Variants in MED13 observed in about 807,000 individuals in gnomAD.
MED13 encodes mediator complex subunit 13.
Under a neutral mutation model 225.2 loss-of-function variants are expected in MED13, and 23 were observed. That is an observed-to-expected ratio of 0.10 (90% confidence interval 0.07 to 0.14). The LOEUF is 0.14. MED13 is among the 10% of genes least tolerant of loss of function. The probability of loss-of-function intolerance (pLI) is 1.00; values close to 1 mark genes in which losing one functional copy is unlikely to be tolerated. For missense variants in MED13, 2,197 were observed against 2,594.5 expected (o/e 0.85, Z 3.33); for synonymous variants, 942 against 889.2 (o/e 1.06, Z -1.06).
In MED13 at chr17:62,010,571, T is replaced by C. The variant is rs114223275; in HGVS notation, c.1946A>G (p.Glu649Gly). 425 of 1,466,710 alleles carry C rather than the reference T, an allele frequency of 2.9e-4. 1 individual carries two copies. The African/African-American group carries it at 5.6e-3, about 19-fold the overall frequency. 90.9% of individuals were successfully genotyped at this position (1,466,710 alleles called of 1,614,324 possible). Residue 649 changes from glutamate to glycine, a missense_variant, in exon 9 of 30, where the codon GAA (glutamate) becomes GGA (glycine). Glu to Gly is a moderately conservative substitution (Grantham distance 98). Coordinates refer to ENST00000397786, the MANE Select transcript of MED13 (RefSeq NM_005121.3). ...KDDPVGPFGQ[E>G]SVTSVTELMV... ...ATACTCTGTAACTGATGTTACACTT[T>C]CCTGTCCAAAAGGTCCAACTGGATC...
chr17:61,976,982 T>C (rs1020702217), intron 16 of MED13, among the ~76,000 whole-genome samples: 1 of 152,168 alleles, frequency 6.6e-6, no homozygotes, highest in African/African-American at 2.4e-5. Flanking sequence ...ATACAAACTA[T>C]ACTTTGTAGA....
intron 13 of MED13, 45 bp from the exon 14 acceptor site, chr17:61,984,910 C>T (rs139180520): frequency 1.9e-5 from 31 of 1,590,986 alleles, no homozygotes; most frequent in East Asian, 9.0e-5. Flanking sequence ...TAAAAATAGG[C>T]GAATCTGTGT....
intron 8 of MED13, among the ~76,000 whole-genome samples, chr17:62,027,534 G>C (rs2080713810): frequency 1.3e-5 from 2 of 152,164 alleles, no homozygotes; most frequent in South Asian, 2.1e-4. Context: ...AAAATTTCAT[G>C]ACGAAGATGT....
intron 11 of MED13, among the ~76,000 whole-genome samples, chr17:61,988,524 A>AT (rs988274864): frequency 1.3e-5 from 2 of 152,188 alleles, no homozygotes; most frequent in African/African-American, 2.4e-5. Flanking sequence ...TGCCTTTGAA[A>AT]TTTTAAAAGT....
chr17:62,064,722 T>C (rs907491746), intron 1 of MED13, among the ~76,000 whole-genome samples: 1 of 152,088 alleles, frequency 6.6e-6, no homozygotes, highest in African/African-American at 2.4e-5. Context: ...CCTGTTTACA[T>C]GGGGAAACCA....
At chr17:62,017,850 G>A (rs1463869438) in intron 8 of MED13, among the ~76,000 whole-genome samples, 2 of 152,174 alleles carry the variant, frequency 1.3e-5, no homozygotes, top group African/African-American at 4.8e-5. Context: ...AAGCATTTCT[G>A]CTATAGATTT....
chr17:61,982,023 T>TATAATTTA (rs2080209203), intron 16 of MED13, among the ~76,000 whole-genome samples, 175 bp downstream of exon 16: 1 of 152,202 alleles, frequency 6.6e-6, no homozygotes, highest in African/African-American at 2.4e-5. Flanking sequence ...CTTTTATTGG[T>TATAATTTA]GAAATTAAAC....
intron 3 of MED13, among the ~76,000 whole-genome samples, chr17:62,039,649 T>C (rs895386646): frequency 6.8e-6 from 1 of 147,772 alleles, no homozygotes; most frequent in Non-Finnish European, 1.5e-5. Flanking sequence ...TGGAGTGCAA[T>C]GGCGTGATCT....
In MED13 at chr17:61,960,903, A is replaced by G; in HGVS notation, c.5444T>C (p.Leu1815Ser). The G allele has an allele frequency of 6.2e-7, 1 of 1,613,068 alleles. No individual in the cohort carries two copies. Among genetic ancestry groups the G allele is most frequent in the Non-Finnish European group, 8.5e-7 (1 of 1,179,518 alleles). The part of the protein sequence containing the change: ...ASCTDLYGEL[L>S]ETCIINIDVP... ...ATCGATGTTAATGATACAAGTTTCT[A>G]AAAGTTCTCCATATAGATCTGTGCA... The change falls in exon 23 of 30, where the codon TTA becomes TCA. Residue 1815 changes from leucine to serine, a missense_variant. By Grantham distance (145) the Leu-to-Ser change is moderately radical. Coordinates refer to ENST00000397786, the MANE Select transcript of MED13 (RefSeq NM_005121.3).
Position 61,983,731 on chromosome 17 carries a change from C to CTT in MED13, c.2888+438_2888+439dup, listed in dbSNP as rs57772316. Among the ~76,000 whole-genome samples the CTT allele has an allele frequency of 8.2e-4, 114 of 138,468 alleles. 1 individual carries two copies. In the South Asian group the frequency reaches 0.01, roughly 12 times the overall value. 90.8% of individuals were successfully genotyped at this position (138,468 alleles called of 152,430 possible). A position where few individuals can be genotyped will look rare whatever the true frequency, so the allele number is the denominator to read the frequency against. ...AATAGTTTATCCATACCCAATTAAC[C>CTT]TTTTTTTTTTTTTTTTTGAGACAAA... On this transcript the variant is annotated intron_variant, in intron 15 of 29. Coordinates refer to ENST00000397786, the MANE Select transcript of MED13 (RefSeq NM_005121.3).
rs546108851 is a variant in MED13, at chr17:61,980,929, T to C, written c.3805+1269A>G. Among the ~76,000 whole-genome samples, 4 of 152,032 alleles carry C rather than the reference T, an allele frequency of 2.6e-5. No homozygotes were observed. In the South Asian group the frequency reaches 6.2e-4, roughly 24 times the overall value. On this transcript the variant is annotated intron_variant, in intron 16 of 29. Coordinates refer to ENST00000397786, the MANE Select transcript of MED13 (RefSeq NM_005121.3). ...GCTAATTTTTGTATTTTTCACCATA[T>C]TGGGCAGGCTGGTCTCAAACTCCTG...
intron 12 of MED13, among the ~76,000 whole-genome samples, chr17:61,986,664 T>C (rs1445210479): frequency 6.6e-6 from 1 of 152,152 alleles, no homozygotes; most frequent in Non-Finnish European, 1.5e-5. Context: ...ATGAGTAAAT[T>C]CCAGAGTCAT....
At chr17:61,964,709 G>A (rs979277275) in intron 20 of MED13, among the ~76,000 whole-genome samples, 1 of 152,318 alleles carries the variant, frequency 6.6e-6, no homozygotes, top group Middle Eastern at 3.4e-3. Flanking sequence ...GCCATGGTGG[G>A]TGGATCACCT....
chr17:61,963,245 A>G (rs1473320304), intron 20 of MED13, among the ~76,000 whole-genome samples: 1 of 128,660 alleles, frequency 7.8e-6, no homozygotes, highest in African/African-American at 3.6e-5. Context: ...GAAAAGAAAA[A>G]AAATTCTTAA....
At chr17:62,035,380 T>C in intron 4 of MED13, 83 bp downstream of exon 4, 1 of 1,165,056 alleles carries the variant, frequency 8.6e-7, no homozygotes, top group Admixed American at 2.5e-5. Context: ...GGGAATTCCA[T>C]CAATCCCCAA....
chr17:62,047,675 C>A (rs968812888), intron 3 of MED13, among the ~76,000 whole-genome samples: 2 of 151,898 alleles, frequency 1.3e-5, no homozygotes, highest in Non-Finnish European at 2.9e-5. Context: ...TATCTATTAA[C>A]AAACCTGCAC....
intron 22 of MED13, among the ~76,000 whole-genome samples, chr17:61,961,304 G>A (rs531343270): frequency 6.6e-6 from 1 of 152,092 alleles, no homozygotes; most frequent in African/African-American, 2.4e-5. Flanking sequence ...ACAGGTGGGC[G>A]ATCACCTGAG....
intron 11 of MED13, among the ~76,000 whole-genome samples, chr17:61,990,046 C>G (rs2080281705): frequency 6.6e-6 from 1 of 152,176 alleles, no homozygotes; most frequent in Admixed American, 6.5e-5. Flanking sequence ...TATCCACAGA[C>G]TGACCCTCTA....
rs766291484 is a variant in MED13 at position 61,983,034 on chromosome 17, C to T, written c.2969G>A (p.Ser990Asn). The T allele has an allele frequency of 2.4e-5, 39 of 1,613,698 alleles. No homozygotes were observed. The highest frequency in any genetic ancestry group is 3.1e-5 in the Non-Finnish European group (36 of 1,179,898). Residue 990 changes from serine to asparagine, a missense_variant, in exon 16 of 30, where the codon AGT becomes AAT. Physicochemically the swap from Ser to Asn is conservative, Grantham distance 46. Transcript: ENST00000397786. Reference protein sequence around the residue: ...THTSFGMPPSSAPPSNSGAGI... With the variant: ...THTSFGMPPSNAPPSNSGAGI... ...TGCTCCGCTGTTACTAGGAGGTGCA[C>T]TGCTAGGAGGCATCCCAAAAGAAGT...
Sources: gnomAD v4.1 joint callset for allele counts (sites outside exome capture counted in the v4.1 genomes callset) on GRCh38, gnomAD v4.1.1 for gene constraint, MANE v1.5 for transcripts, NCBI Gene and HGNC (gene_info 2026-07-23, HGNC 2026-07-21) for gene names.